Variants in ROR2 observed in about 807,000 individuals in gnomAD.
ROR2 encodes ROR family WNT receptor 2.
A neutral mutation model predicts 74.9 loss-of-function variants in ROR2; 33 were observed. The observed-to-expected ratio is 0.44, with a 90% confidence interval of 0.33 to 0.59. The LOEUF (loss-of-function observed/expected upper bound fraction) is 0.59, where lower values mean the gene tolerates loss of function less well. ROR2 is among the 20% of genes least tolerant of loss of function. ROR2 has a pLI of 0.02. For missense variants in ROR2, 1,216 were observed against 1,313.8 expected (o/e 0.93, Z 1.15); for synonymous variants, 586 against 558.7 (o/e 1.05, Z -0.69).
rs752571643 is a variant in ROR2, at chr9:91,724,058, C to A, written c.2436G>T (p.Val812=). Residue 812 remains valine, a synonymous_variant, in exon 9 of 9, where the codon GTG becomes GTT. Transcript: ENST00000375708. ...CGGGGACGTAGAGCTGCGGCGGGGG[C>A]ACCATGGGTCTGATCTGGCCCTTCA... ...IPMKGQIRPM[V]PPPQLYVPVN... is the part of the protein sequence containing the mutation. The A allele has an allele frequency of 1.2e-6, 2 of 1,609,812 alleles. No individual in the cohort carries two copies. The highest frequency in any genetic ancestry group is 2.7e-5 in the African/African-American group (2 of 74,920).
chr9:91,733,069 G>A lies in ROR2; in HGVS notation c.937+53C>T. On this transcript the variant is annotated intron_variant, in intron 6 of 8. Coordinates refer to ENST00000375708, the MANE Select transcript of ROR2 (RefSeq NM_004560.4). The surrounding 1 kb of genome is among the most constrained non-coding windows in gnomAD (Gnocchi z 5.7). ...CCGACACCCCCATACACATTTCAAG[G>A]GCCCTACACTCCCTGCGCCCCCCGG... 7 of 1,503,744 alleles carry A rather than the reference G, an allele frequency of 4.7e-6. No homozygotes were observed. Among genetic ancestry groups the A allele is most frequent in the Non-Finnish European group, 6.3e-6 (7 of 1,117,406 alleles). 93.2% of individuals were successfully genotyped at this position (1,503,744 alleles called of 1,614,324 possible).
intron 1 of ROR2, among the ~76,000 whole-genome samples, chr9:91,892,590 C>CTTTTTTTTTTTT (rs547073635): frequency 2.8e-5 from 3 of 105,468 alleles, no homozygotes; most frequent in South Asian, 3.2e-4. Context: ...CTTTTCTTTT[C>CTTTTTTTTTTTT]TTTTTTTTTT....
At chr9:91,874,540 G>A (rs926058758) in intron 1 of ROR2, among the ~76,000 whole-genome samples, 9 of 152,182 alleles carry the variant, frequency 5.9e-5, no homozygotes, top group Non-Finnish European at 1.2e-4. Flanking sequence ...AAAATGACTA[G>A]GAAAATACTG....
chr9:91,937,094 A>G (rs1416733233), intron 1 of ROR2, among the ~76,000 whole-genome samples: 1 of 150,988 alleles, frequency 6.6e-6, no homozygotes, highest in Non-Finnish European at 1.5e-5. Context: ...GAAAATTATG[A>G]TTTTCTGCAG....
At chr9:91,814,370 G>A (rs745409426) in intron 1 of ROR2, among the ~76,000 whole-genome samples, 6 of 152,096 alleles carry the variant, frequency 3.9e-5, no homozygotes, top group Non-Finnish European at 7.4e-5. Flanking sequence ...CAGAGGCCAC[G>A]CACTCTAGCC....
intron 1 of ROR2, among the ~76,000 whole-genome samples, chr9:91,918,429 A>G (rs1181997010): frequency 6.6e-6 from 1 of 152,200 alleles, no homozygotes. Flanking sequence ...ACTTTCCGAC[A>G]GTTTAAAAGA....
chr9:91,943,949 G>A (rs1400341876), intron 1 of ROR2, among the ~76,000 whole-genome samples: 1 of 152,136 alleles, frequency 6.6e-6, no homozygotes, highest in Non-Finnish European at 1.5e-5. Context: ...CACACTCAAT[G>A]TTAAAAGACT....
rs1587870993 is a variant in ROR2, at chr9:91,949,973, A to C, written c.-10T>G. 1 of 1,437,610 alleles carries C rather than the reference A, an allele frequency of 7.0e-7. No homozygotes were observed. The highest frequency in any genetic ancestry group is 2.5e-4 in the Middle Eastern group (1 of 4,070). 89.1% of individuals were successfully genotyped at this position (1,437,610 alleles called of 1,614,324 possible). ...CCGAGCCCCGGGCCATGCCGCAGGC[A>C]GTGGGGGCCGGGAAGCCCTCAGAGC... On this transcript the variant is annotated 5_prime_UTR_variant, in exon 1 of 9. Transcript: ENST00000375708.
At chr9:91,746,424 G>A (rs1825420748) in intron 4 of ROR2, among the ~76,000 whole-genome samples, 1 of 152,114 alleles carries the variant, frequency 6.6e-6, no homozygotes, top group Non-Finnish European at 1.5e-5. Flanking sequence ...CTTCTTACTT[G>A]GCACTTTCAA....
Position 91,905,490 on chromosome 9 carries a change from CCACA to C in ROR2, c.97+44373_97+44376del, listed in dbSNP as rs1357855749. ...ACACACAACAAAGACACAACACATA[CCACA>C]TACACGACATACACAGACATCACAC... is the stretch of plus-strand genomic sequence containing the variant. On this transcript the variant is annotated intron_variant, in intron 1 of 8. Transcript: ENST00000375708. This position sits in a 1 kb window ranked among gnomAD's most constrained non-coding sequence, Gnocchi z 5.3. 2.6e-5 allele frequency among the ~76,000 whole-genome samples: 4 copies of C among 151,862 alleles called. No homozygotes were observed. The highest frequency in any genetic ancestry group is 9.7e-5 in the African/African-American group (4 of 41,338).
intron 1 of ROR2, among the ~76,000 whole-genome samples, chr9:91,912,012 T>C (rs1378884066): frequency 6.8e-6 from 1 of 147,504 alleles, no homozygotes; most frequent in Non-Finnish European, 1.5e-5. Flanking sequence ...TCCTCCAAAG[T>C]GTCAAGGTCA....
At position 91,950,020 on chromosome 9, in the gene ROR2, G is replaced by T; in HGVS notation, c.-57C>A. On this transcript the variant is annotated 5_prime_UTR_variant, in exon 1 of 9. Coordinates refer to ENST00000375708, the MANE Select transcript of ROR2 (RefSeq NM_004560.4). ...GAGCTTCGGGCCGGGGCGCGGGGTC[G>T]GGCGCCACCACCCCTTTCTACGATG... The T allele has an allele frequency of 1.1e-6, 1 of 895,812 alleles. No homozygotes were observed. Among genetic ancestry groups the T allele is most frequent in the Non-Finnish European group, 1.5e-6 (1 of 648,986 alleles). The allele number at this position is 895,812 out of a possible 1,614,324, so 55.5% of individuals were successfully genotyped here.
chr9:91,884,496 G>GC (rs1210378742), intron 1 of ROR2, among the ~76,000 whole-genome samples: 1 of 148,728 alleles, frequency 6.7e-6, no homozygotes, highest in East Asian at 2.0e-4. Flanking sequence ...AAAAAGGCTT[G>GC]CGGGGGGCCT....
At chr9:91,924,536 G>A (rs1049424126) in intron 1 of ROR2, among the ~76,000 whole-genome samples, 6 of 152,250 alleles carry the variant, frequency 3.9e-5, no homozygotes. Flanking sequence ...GCTTACGCCT[G>A]TAATCCCAGC....
intron 4 of ROR2, among the ~76,000 whole-genome samples, chr9:91,743,381 G>A (rs1282264978): frequency 6.6e-6 from 1 of 152,094 alleles, no homozygotes; most frequent in East Asian, 1.9e-4. Context: ...AGACCAGCCT[G>A]GCCAACATTG....
intron 1 of ROR2, among the ~76,000 whole-genome samples, chr9:91,837,742 G>C (rs1828653794): frequency 7.2e-6 from 1 of 138,474 alleles, no homozygotes; most frequent in Non-Finnish European, 1.6e-5. Flanking sequence ...ATTTCTTAAT[G>C]TCCAGTGTTC....
At chr9:91,947,716 T>C (rs971625816) in intron 1 of ROR2, among the ~76,000 whole-genome samples, 2 of 152,062 alleles carry the variant, frequency 1.3e-5, no homozygotes, top group African/African-American at 4.8e-5. Flanking sequence ...GGAAACAGAG[T>C]CTTGCTATTA....
In ROR2 at chr9:91,905,095, A is replaced by G. The variant is rs1054160511; in HGVS notation, c.97+44772T>C. On this transcript the variant is annotated intron_variant, in intron 1 of 8. Transcript: ENST00000375708. The surrounding 1 kb of genome is among the most constrained non-coding windows in gnomAD (Gnocchi z 5.3). ...CATATACCACACACAGCACATACAC[A>G]AAACTCATACACCACAAACCACATA... Among the ~76,000 whole-genome samples, 1 of 151,824 alleles carries G rather than the reference A, an allele frequency of 6.6e-6. No individual in the cohort carries two copies. The highest frequency in any genetic ancestry group is 1.5e-5 in the Non-Finnish European group (1 of 67,944).
Position 91,726,882 on chromosome 9 carries a change from A to G in ROR2, c.1184-139T>C, listed in dbSNP as rs566316618. 1.1e-5 allele frequency: 9 copies of G among 792,582 alleles called. No individual in the cohort carries two copies. The East Asian group carries it at 2.1e-4, about 19-fold the overall frequency. The allele number at this position is 792,582 out of a possible 1,614,324, so 49.1% of individuals were successfully genotyped here. A position where few individuals can be genotyped will look rare whatever the true frequency, so the allele number is the denominator to read the frequency against. ...CACCTAAGTTACACAATGGGGTAAA[A>G]GGGCACACCACACCTTAAAAAACAT... is the stretch of plus-strand genomic sequence containing the variant. On this transcript the variant is annotated intron_variant, in intron 7 of 8. Coordinates refer to ENST00000375708, the MANE Select transcript of ROR2 (RefSeq NM_004560.4).
Sources: gnomAD v4.1 joint callset for allele counts (sites outside exome capture counted in the v4.1 genomes callset) on GRCh38, gnomAD v4.1.1 for gene constraint, Gnocchi (gnomAD v3.1) non-coding constraint, MANE v1.5 for transcripts, NCBI Gene and HGNC (gene_info 2026-07-23, HGNC 2026-07-21) for gene names.